Variants in RGS7BP observed in about 807,000 individuals in gnomAD.
RGS7BP encodes regulator of G protein signaling 7-binding protein.
RGS7BP carries 9 observed loss-of-function variants against 31.3 expected under a neutral mutation model. The observed-to-expected ratio is 0.29, with a 90% CI of 0.17 to 0.50. The LOEUF (loss-of-function observed/expected upper bound fraction) is 0.50, where lower values mean the gene tolerates loss of function less well. Ranked by LOEUF, RGS7BP falls within the 20% of genes least tolerant of loss-of-function variation. The pLI is 0.98. For synonymous variants in RGS7BP, 115 were observed against 120.1 expected (o/e 0.96, Z 0.28); for missense variants, 274 against 322.0 (o/e 0.85, Z 1.14).
intron 5 of RGS7BP, among the ~76,000 whole-genome samples, chr5:64,608,827 TAAGCAGTTTCAATTCAATTTTAAGCAG>T (rs1743430805): frequency 6.6e-6 from 1 of 152,062 alleles, no homozygotes. Flanking sequence ...AGATTGCCTC[TAAGCAGTTTCAATTCAATTTTAAGCAG>T]TGGTTCTCAG....
intron 2 of RGS7BP, among the ~76,000 whole-genome samples, chr5:64,557,085 TA>T (rs1313195717): frequency 6.6e-6 from 1 of 152,136 alleles, no homozygotes; most frequent in African/African-American, 2.4e-5. Context: ...ATGACATTCT[TA>T]AAAAGTGGAA....
rs757987420 is a variant in RGS7BP at position 64,506,711 on chromosome 5, G to C, written c.87G>C (p.Gln29His). The C allele has an allele frequency of 3.0e-5, 49 of 1,613,112 alleles. No homozygotes were observed. The highest frequency in any genetic ancestry group is 4.2e-5 in the Non-Finnish European group (49 of 1,179,316). Residue 29 changes from glutamine to histidine, a missense_variant, in exon 1 of 6, where the codon CAG (glutamine) becomes CAC (histidine). By Grantham distance (24) the Gln-to-His change is conservative. Transcript: ENST00000334025. This position sits in a 1 kb window ranked among gnomAD's most constrained non-coding sequence, Gnocchi z 4.6. ...SIFQISKPPL[Q>H]SGDWERRGSG... ...TCCAGATCAGCAAGCCCCCGCTGCA[G>C]AGCGGAGATTGGGAGCGCAGGGGCA... is the stretch of plus-strand genomic sequence containing the variant.
At chr5:64,583,037 T>G (rs887699006) in intron 3 of RGS7BP, among the ~76,000 whole-genome samples, 1 of 152,172 alleles carries the variant, frequency 6.6e-6, no homozygotes, top group Admixed American at 6.5e-5. Context: ...AAGAAATATT[T>G]GTTATCTATC....
At chr5:64,530,133 A>G (rs1287768492) in intron 2 of RGS7BP, among the ~76,000 whole-genome samples, 2 of 152,184 alleles carry the variant, frequency 1.3e-5, no homozygotes, top group Non-Finnish European at 2.9e-5. Context: ...GGAGAGTGAG[A>G]TAGTCGGGTC....
chr5:64,518,649 GT>G (rs1016612359), intron 2 of RGS7BP, among the ~76,000 whole-genome samples: 1 of 152,104 alleles, frequency 6.6e-6, no homozygotes. Flanking sequence ...TGCATTATCG[GT>G]TTGGAATTAT....
chr5:64,584,872 C>G (rs1234357496), intron 3 of RGS7BP, among the ~76,000 whole-genome samples: 1 of 152,162 alleles, frequency 6.6e-6, no homozygotes, highest in Non-Finnish European at 1.5e-5. Context: ...ACCTTTGAAA[C>G]TGCTTTTTAA....
intron 1 of RGS7BP, among the ~76,000 whole-genome samples, chr5:64,507,377 C>T (rs1748721723): frequency 6.6e-6 from 1 of 152,166 alleles, no homozygotes. Context: ...TGTAGGAGTC[C>T]CCAGCATCAT....
At chr5:64,535,922 C>T (rs1741338525) in intron 2 of RGS7BP, among the ~76,000 whole-genome samples, 2 of 152,198 alleles carry the variant, frequency 1.3e-5, no homozygotes, top group African/African-American at 4.8e-5. Flanking sequence ...CACAGAAAGT[C>T]TTGAAAAGAC....
At chr5:64,579,570 GAAAGA>G (rs1554057203) in intron 3 of RGS7BP, among the ~76,000 whole-genome samples, 3 of 118,692 alleles carry the variant, frequency 2.5e-5, no homozygotes, top group African/African-American at 6.5e-5. Flanking sequence ...AAAAAAAAAG[GAAAGA>G]AAAGAAAAGA....
chr5:64,605,076 T>G (rs978841528), intron 5 of RGS7BP, among the ~76,000 whole-genome samples: 1 of 152,264 alleles, frequency 6.6e-6, no homozygotes, highest in Non-Finnish European at 1.5e-5. Context: ...TTGAACTTAC[T>G]GGTGTCCAAA....
intron 2 of RGS7BP, among the ~76,000 whole-genome samples, chr5:64,546,327 C>CAG (rs34595038): frequency 0.2 from 30,830 of 151,676 alleles, 3,963 homozygotes; most frequent in South Asian, 0.34. Context: ...AATGAACAGA[C>CAG]AGAGATAAGA....
chr5:64,597,701 G>T (rs1334866198), intron 4 of RGS7BP, among the ~76,000 whole-genome samples: 1 of 151,592 alleles, frequency 6.6e-6, no homozygotes, highest in Admixed American at 6.6e-5. Flanking sequence ...TAAATGGTGG[G>T]TACACATGGA....
intron 3 of RGS7BP, among the ~76,000 whole-genome samples, chr5:64,588,113 G>A (rs1742808264): frequency 6.6e-6 from 1 of 152,152 alleles, no homozygotes; most frequent in African/African-American, 2.4e-5. Context: ...AGATTTATGA[G>A]TCTGCATATT....
At chr5:64,568,782 G>GATT (rs35981444) in intron 2 of RGS7BP, among the ~76,000 whole-genome samples, 6 of 137,546 alleles carry the variant, frequency 4.4e-5, no homozygotes, top group Non-Finnish European at 4.7e-5. Flanking sequence ...GATGGTTATT[G>GATT]TTTTTTTTTT....
At position 64,559,883 on chromosome 5, in the gene RGS7BP, A is replaced by G. The variant is rs1000150694; in HGVS notation, c.333-15891A>G. Among the ~76,000 whole-genome samples the G allele has an allele frequency of 2.0e-5, 3 of 152,262 alleles. No homozygotes were observed. In the East Asian group the frequency reaches 5.8e-4, roughly 29 times the overall value. ...ATTTTAAAAAAATAACTTGTCCACT[A>G]AAAGTGTAATGAAAGGCCCTCCTCA... is the stretch of plus-strand genomic sequence containing the variant. On this transcript the variant is annotated intron_variant, in intron 2 of 5. Coordinates refer to ENST00000334025, the MANE Select transcript of RGS7BP (RefSeq NM_001029875.3).
intron 2 of RGS7BP, among the ~76,000 whole-genome samples, chr5:64,563,770 C>A (rs1196669676): frequency 2.0e-5 from 3 of 152,110 alleles, no homozygotes; most frequent in Non-Finnish European, 4.4e-5. Flanking sequence ...CGATTACTTT[C>A]TTCTAAGTGT....
chr5:64,592,993 C>T (rs2111953361), intron 3 of RGS7BP, among the ~76,000 whole-genome samples: 1 of 152,304 alleles, frequency 6.6e-6, no homozygotes, highest in Admixed American at 6.5e-5. Context: ...GAGGTCAATG[C>T]CCTCCAACTG....
At chr5:64,512,343 A>T (rs1317322819) in intron 2 of RGS7BP, among the ~76,000 whole-genome samples, 1 of 152,226 alleles carries the variant, frequency 6.6e-6, no homozygotes, top group Non-Finnish European at 1.5e-5. Context: ...TGCTAAGGAC[A>T]TGGGTGAATT....
chr5:64,573,139 G>C (rs1375319847), intron 2 of RGS7BP, among the ~76,000 whole-genome samples: 1 of 151,528 alleles, frequency 6.6e-6, no homozygotes, highest in Non-Finnish European at 1.5e-5. Flanking sequence ...CCCTACAAAG[G>C]ACATGAACTC....
Sources: allele counts gnomAD v4.1 joint callset (sites outside exome capture counted in the v4.1 genomes callset), GRCh38; gene constraint gnomAD v4.1.1; non-coding constraint Gnocchi (gnomAD v3.1); transcripts MANE v1.5; gene names NCBI Gene and HGNC (gene_info 2026-07-23, HGNC 2026-07-21).